The following ETNK2 variants were observed in gnomAD, a reference collection of about 807,000 sequenced individuals.
ETNK2 encodes the protein ethanolamine kinase 2, also known as ethanolamine kinase-like protein.
A neutral mutation model predicts 46.2 loss-of-function variants in ETNK2; 33 were observed. That is an observed-to-expected ratio of 0.71 (90% confidence interval 0.54 to 0.96). ETNK2 has a LOEUF of 0.96. Among genes scored for constraint, ETNK2 ranks in the 40% least tolerant of loss-of-function variants. The pLI is 0.00. For missense variants in ETNK2, 445 were observed against 509.7 expected, an observed-to-expected ratio of 0.87 and a Z score of 1.22; for synonymous variants, 194 against 209.0, an observed-to-expected ratio of 0.93 and a Z score of 0.62.
Position 204,151,963 on chromosome 1 carries a change from G to C in ETNK2, c.-111C>G, listed in dbSNP as rs1658027547. 18 of 1,134,090 alleles carry C rather than the reference G, an allele frequency of 1.6e-5. No individual in the cohort carries two copies. The highest frequency in any genetic ancestry group is 1.9e-5 in the Non-Finnish European group (17 of 882,782). The allele number at this position is 1,134,090 out of a possible 1,614,324, so 70.3% of individuals were successfully genotyped here. ...GGGCCAGGGGAAGTCCATGACTCAGGCGCGAGCTGCCCGCTTCGATCGCCG... is the reference window on the plus strand; with the variant it reads ...GGGCCAGGGGAAGTCCATGACTCAGCCGCGAGCTGCCCGCTTCGATCGCCG... On this transcript the variant is annotated 5_prime_UTR_variant, in exon 1 of 8. Coordinates refer to ENST00000367202, the MANE Select transcript of ETNK2 (RefSeq NM_018208.4). The surrounding 1 kb of genome is among the most constrained non-coding windows in gnomAD (Gnocchi z 8.0).
At chr1:204,140,534 T>C (rs1021939489) in intron 4 of ETNK2, among the ~76,000 whole-genome samples, 1 of 151,750 alleles carries the variant, frequency 6.6e-6, no homozygotes, top group Non-Finnish European at 1.5e-5. Flanking sequence ...TTTTGTCTTT[T>C]TTTTTTTTGA....
rs1381024052 is a variant in ETNK2, at chr1:204,152,004, C to T, written c.-152G>A. ...TCGATCGCCGGCTCGCGGCCCGCCG[C>T]CCACCGCCGACCCCGGAGCGCCGCG... On this transcript the variant is annotated 5_prime_UTR_variant, in exon 1 of 8. Transcript: ENST00000367202. This position sits in a 1 kb window ranked among gnomAD's most constrained non-coding sequence, Gnocchi z 4.2. The T allele has an allele frequency of 3.7e-6, 3 of 816,048 alleles. No homozygotes were observed. Among genetic ancestry groups the T allele is most frequent in the Non-Finnish European group, 4.9e-6 (3 of 606,386 alleles). 50.6% of individuals were successfully genotyped at this position (816,048 alleles called of 1,614,324 possible). A position where few individuals can be genotyped will look rare whatever the true frequency, so the allele number is the denominator to read the frequency against.
At position 204,141,615 on chromosome 1, in the gene ETNK2, T is replaced by A. The variant is rs1657544377; in HGVS notation, c.642-158A>T. 6.5e-6 allele frequency: 5 copies of A among 768,124 alleles called. No individual in the cohort carries two copies. In the Middle Eastern group the frequency reaches 1.1e-3, roughly 176 times the overall value. 47.6% of individuals were successfully genotyped at this position (768,124 alleles called of 1,614,324 possible). Reference sequence around the variant, plus strand: ...CTTAGACCCTCACTTTTATCATCTGTAAAATGGCACTGAGGCGTCCTGTCC... The same window carrying A: ...CTTAGACCCTCACTTTTATCATCTGAAAAATGGCACTGAGGCGTCCTGTCC... On this transcript the variant is annotated intron_variant, in intron 3 of 7. Coordinates refer to ENST00000367202, the MANE Select transcript of ETNK2 (RefSeq NM_018208.4).
chr1:204,140,951 G>A, intron 4 of ETNK2: 1 of 333,134 alleles, frequency 3.0e-6, no homozygotes, highest in South Asian at 2.2e-5. Flanking sequence ...GCCTCCCGAG[G>A]AGCTAGGACT....
chr1:204,139,284 T>A (rs116205700), intron 5 of ETNK2, among the ~76,000 whole-genome samples: 261 of 152,304 alleles, frequency 1.7e-3, no homozygotes, highest in African/African-American at 5.7e-3. Context: ...ATTGCGCCAG[T>A]TGTACTGGGT....
At chr1:204,135,375 G>A (rs1657242344) in intron 6 of ETNK2, among the ~76,000 whole-genome samples, 1 of 152,088 alleles carries the variant, frequency 6.6e-6, no homozygotes, top group South Asian at 2.1e-4. Flanking sequence ...CCGGTGACAG[G>A]CAGGTTACCT....
In ETNK2 at chr1:204,137,213, C is replaced by A. The variant is rs200305922; in HGVS notation, c.905G>T (p.Arg302Leu). 1 of 1,613,764 alleles carries A rather than the reference C, an allele frequency of 6.2e-7. No homozygotes were observed. Among genetic ancestry groups the A allele is most frequent in the African/African-American group, 1.3e-5 (1 of 74,916 alleles). Reference sequence around the variant, plus strand: ...GTGCAGCCACTGCAGCTGGGTCTCCCGCGCCGGGTACAGGCAGTAATCCAC... The same window carrying A: ...GTGCAGCCACTGCAGCTGGGTCTCCAGCGCCGGGTACAGGCAGTAATCCAC... ...NEVDYCLYPA[R>L]ETQLQWLHYY... Residue 302 changes from arginine (R) to leucine (L), a missense_variant, in exon 6 of 8, where the codon CGG (arginine) becomes CTG (leucine). By Grantham distance (102) the Arg-to-Leu change is moderately radical. Coordinates refer to ENST00000367202, the MANE Select transcript of ETNK2 (RefSeq NM_018208.4).
At chr1:204,132,372 G>T in intron 7 of ETNK2, 116 bp from the exon 8 acceptor site, 1 of 731,714 alleles carries the variant, frequency 1.4e-6, no homozygotes, top group South Asian at 1.5e-5. Flanking sequence ...CTAAGTCTGA[G>T]CAGATCAACC....
intron 7 of ETNK2, among the ~76,000 whole-genome samples, chr1:204,133,271 G>A (rs188120988): frequency 8.6e-5 from 13 of 151,958 alleles, no homozygotes; most frequent in African/African-American, 2.7e-4. Context: ...GCTACCCACC[G>A]AGAAATGAGA....
intron 5 of ETNK2, 66 bp from the exon 6 acceptor site, chr1:204,137,315 A>T: frequency 2.6e-6 from 4 of 1,559,326 alleles, no homozygotes; most frequent in Non-Finnish European, 3.5e-6. Flanking sequence ...CCTCAAGCTC[A>T]GTAGGTGTTC....
intron 3 of ETNK2, among the ~76,000 whole-genome samples, chr1:204,143,261 G>A (rs1411784532): frequency 6.6e-6 from 1 of 151,880 alleles, no homozygotes; most frequent in African/African-American, 2.4e-5. Flanking sequence ...CATCAAAAGG[G>A]AAGAATTAGG....
rs2102306826 is a variant in ETNK2 at position 204,151,767 on chromosome 1, A to G, written c.86T>C (p.Met29Thr). The G allele has an allele frequency of 6.6e-7, 1 of 1,522,016 alleles. No homozygotes were observed. Among genetic ancestry groups the G allele is most frequent in the East Asian group, 2.5e-5 (1 of 40,436 alleles). The allele number at this position is 1,522,016 out of a possible 1,614,324, so 94.3% of individuals were successfully genotyped here. The change falls in exon 1 of 8, where the codon ATG becomes ACG. Residue 29 changes from methionine (M) to threonine (T), a missense_variant. Transcript: ENST00000367202. This position sits in a 1 kb window ranked among gnomAD's most constrained non-coding sequence, Gnocchi z 8.0. ...GGCGCTGGCCGCCGCCTTCTCCTCC[A>G]TGCCCCATGAGCACTGCGGGCAAGG... ...HTPCPQCSWG[M>T]EEKAAASASC... is the part of the protein sequence containing the mutation.
intron 5 of ETNK2, 39 bp from the exon 6 acceptor site, chr1:204,137,288 G>A (rs772058483): frequency 6.2e-7 from 1 of 1,605,932 alleles, no homozygotes; most frequent in East Asian, 2.2e-5. Context: ...GCTCAGAGAT[G>A]GGCCCACCAA....
Position 204,132,229 on chromosome 1 carries a change from G to C in ETNK2, c.1116C>G (p.Tyr372Ter), listed in dbSNP as rs1275763934. 1 of 1,572,628 alleles carries C rather than the reference G, an allele frequency of 6.4e-7. No homozygotes were observed. Among genetic ancestry groups the C allele is most frequent in the Admixed American group, 1.9e-5 (1 of 53,516 alleles). Residue 372 changes from tyrosine to a stop codon, truncating the protein, a stop_gained, in exon 8 of 8, where the codon TAC becomes TAG. Transcript: ENST00000367202. LOFTEE classifies it high-confidence loss of function. ...LRYAVIRFNQ[Y>*]FKVKPQASAL... is the part of the protein sequence containing the mutation. ...CTGACGCTTGAGGCTTCACCTTGAA[G>C]TACTGGTTGAATCGGATCACTGCGT...
intron 7 of ETNK2, among the ~76,000 whole-genome samples, chr1:204,132,750 C>T (rs1236299859): frequency 6.6e-6 from 1 of 151,748 alleles, no homozygotes; most frequent in Non-Finnish European, 1.5e-5. Context: ...TTTTTAACTT[C>T]AACTACATTT....
chr1:204,136,047 T>A (rs16852953), intron 6 of ETNK2, among the ~76,000 whole-genome samples: 14,382 of 152,208 alleles, frequency 0.094, 1,068 homozygotes, highest in East Asian at 0.39. Context: ...CACAGAAGTA[T>A]GAGCTTGATA....
Position 204,134,548 on chromosome 1 carries a change from T to C in ETNK2, c.1055A>G (p.Asn352Ser). 6.2e-7 allele frequency: 1 copy of C among 1,613,912 alleles called. No homozygotes were observed. Among genetic ancestry groups the C allele is most frequent in the Non-Finnish European group, 8.5e-7 (1 of 1,179,866 alleles). ...ATCAAAGTCGATGGTGGAGTACTGG[T>C]TCTGGATGAGGGCCCAGAGAGCCCA... ...FFWALWALIQ[N>S]QYSTIDFDFL... is the part of the protein sequence containing the mutation. Residue 352 changes from asparagine (N) to serine (S), a missense_variant, in exon 7 of 8, where the codon AAC becomes AGC. By Grantham distance (46) the Asn-to-Ser change is conservative. Transcript: ENST00000367202.
intron 3 of ETNK2, among the ~76,000 whole-genome samples, chr1:204,145,718 G>A (rs1917542): frequency 0.46 from 70,483 of 152,054 alleles, 16,547 homozygotes; most frequent in African/African-American, 0.53. Flanking sequence ...TTGGAAGAGG[G>A]AAGACACATC....
intron 3 of ETNK2, among the ~76,000 whole-genome samples, chr1:204,146,353 A>G (rs1657779535): frequency 1.3e-5 from 2 of 152,170 alleles, no homozygotes. Context: ...GCATCCCCTA[A>G]GTAAAATGGG....
Sources: gnomAD v4.1 joint callset for allele counts (sites outside exome capture counted in the v4.1 genomes callset) on GRCh38, gnomAD v4.1.1 for gene constraint, Gnocchi (gnomAD v3.1) non-coding constraint, MANE v1.5 for transcripts, NCBI Gene and HGNC (gene_info 2026-07-23, HGNC 2026-07-21) for gene names.